Variants in SPATA16 observed in about 807,000 individuals in gnomAD.
The protein encoded by SPATA16 is spermatogenesis associated 16.
SPATA16 carries 36 observed loss-of-function variants against 63.3 expected under a neutral mutation model. That is an observed-to-expected ratio of 0.57 (90% CI 0.44 to 0.75). The LOEUF (loss-of-function observed/expected upper bound fraction) is 0.75, where lower values mean the gene tolerates loss of function less well. SPATA16 is among the 30% of genes least tolerant of loss of function. The pLI is 0.00. For missense variants in SPATA16, 646 were observed against 679.3 expected, an observed-to-expected ratio of 0.95 and a Z score of 0.54; for synonymous variants, 203 against 216.7, an observed-to-expected ratio of 0.94 and a Z score of 0.56.
chr3:173,102,005 G>A (rs777818472), intron 2 of SPATA16, among the ~76,000 whole-genome samples: 1 of 152,090 alleles, frequency 6.6e-6, no homozygotes, highest in Non-Finnish European at 1.5e-5. Context: ...TCAAGTCTGA[G>A]TCAATAAAAA....
chr3:172,920,400 T>C (rs1285452486), intron 8 of SPATA16, among the ~76,000 whole-genome samples: 2 of 152,364 alleles, frequency 1.3e-5, no homozygotes, highest in African/African-American at 2.4e-5. Context: ...AAAAAAGATA[T>C]GTTTGAGTAA....
chr3:173,061,115 T>C (rs1736369036), intron 2 of SPATA16, among the ~76,000 whole-genome samples: 1 of 152,230 alleles, frequency 6.6e-6, no homozygotes, highest in Admixed American at 6.5e-5. Flanking sequence ...TTCACTACTC[T>C]TTATTTCACC....
intron 6 of SPATA16, among the ~76,000 whole-genome samples, chr3:172,956,135 A>C (rs1733587818): frequency 6.6e-6 from 1 of 152,130 alleles, no homozygotes; most frequent in South Asian, 2.1e-4. Flanking sequence ...TTGCATGAGA[A>C]TGAGAACAAG....
chr3:173,001,674 C>T (rs534348487), intron 4 of SPATA16, among the ~76,000 whole-genome samples: 1 of 152,274 alleles, frequency 6.6e-6, no homozygotes, highest in East Asian at 1.9e-4. Context: ...GATGAGGTTT[C>T]CACTCAGGGT....
At position 173,022,435 on chromosome 3, in the gene SPATA16, A is replaced by C. The variant is rs1227698489; in HGVS notation, c.759-2860T>G. Among the ~76,000 whole-genome samples, 5 of 152,250 alleles carry C rather than the reference A, an allele frequency of 3.3e-5. No homozygotes were observed. In the East Asian group the frequency reaches 9.6e-4, roughly 29 times the overall value. On this transcript the variant is annotated intron_variant, in intron 3 of 10. Transcript: ENST00000351008. Reference sequence around the variant, plus strand: ...TTTGAGATGAAATATTTTATTTGGCAATTTATTATTTTTGACTTTTATAAT... The same window carrying C: ...TTTGAGATGAAATATTTTATTTGGCCATTTATTATTTTTGACTTTTATAAT...
intron 7 of SPATA16, among the ~76,000 whole-genome samples, chr3:172,925,007 C>G (rs973278797): frequency 2.8e-4 from 43 of 152,270 alleles, no homozygotes; most frequent in Admixed American, 9.2e-4. Context: ...TTGTCATTGG[C>G]TATATTTTTG....
chr3:173,049,171 A>C, intron 2 of SPATA16, 77 bp from the exon 3 acceptor site: 1 of 1,475,368 alleles, frequency 6.8e-7, no homozygotes, highest in South Asian at 1.2e-5. Context: ...AAACATGTGT[A>C]TGTTTTATTT....
chr3:172,986,750 T>C (rs1181602083), intron 4 of SPATA16, among the ~76,000 whole-genome samples: 2 of 152,108 alleles, frequency 1.3e-5, no homozygotes, highest in African/African-American at 2.4e-5. Context: ...TTGTACGGTT[T>C]TAAATAGAAA....
At chr3:172,942,869 A>G (rs779589573) in intron 6 of SPATA16, among the ~76,000 whole-genome samples, 51 of 152,156 alleles carry the variant, frequency 3.4e-4, no homozygotes, top group Non-Finnish European at 5.6e-4. Flanking sequence ...TTAAAAATCA[A>G]TAACAAAGGT....
intron 4 of SPATA16, among the ~76,000 whole-genome samples, chr3:173,016,631 G>A (rs1333596951): frequency 7.2e-5 from 11 of 152,214 alleles, no homozygotes; most frequent in Admixed American, 7.2e-4. Flanking sequence ...TAACCTTGAT[G>A]TGTTGTCTTT....
chr3:173,095,992 T>C (rs1737340754), intron 2 of SPATA16, among the ~76,000 whole-genome samples: 1 of 152,042 alleles, frequency 6.6e-6, no homozygotes. Flanking sequence ...AATTCCTAAA[T>C]TGCCAAAGGA....
intron 10 of SPATA16, among the ~76,000 whole-genome samples, chr3:172,907,861 A>G (rs1455157462): frequency 6.6e-6 from 1 of 152,114 alleles, no homozygotes; most frequent in African/African-American, 2.4e-5. Context: ...TACAGACGTG[A>G]GCCACCGTGC....
At chr3:173,037,693 G>A (rs1319323922) in intron 3 of SPATA16, among the ~76,000 whole-genome samples, 5 of 152,064 alleles carry the variant, frequency 3.3e-5, no homozygotes, top group Non-Finnish European at 7.4e-5. Context: ...TATAGACAGT[G>A]CCACCAAGGA....
intron 10 of SPATA16, among the ~76,000 whole-genome samples, chr3:172,902,504 T>A (rs770462394): frequency 6.6e-6 from 1 of 152,264 alleles, no homozygotes; most frequent in African/African-American, 2.4e-5. Flanking sequence ...GTTTGACCAG[T>A]TGCTTCTAAA....
At chr3:173,040,922 C>T (rs538643525) in intron 3 of SPATA16, among the ~76,000 whole-genome samples, 5 of 152,132 alleles carry the variant, frequency 3.3e-5, no homozygotes, top group Non-Finnish European at 5.9e-5. Context: ...CTTTGCACTG[C>T]AGAAAGGTGT....
At chr3:173,130,453 C>T (rs1025948259) in intron 1 of SPATA16, among the ~76,000 whole-genome samples, 1 of 150,504 alleles carries the variant, frequency 6.6e-6, no homozygotes, top group Non-Finnish European at 1.5e-5. Flanking sequence ...ATTTTATAAT[C>T]GTTTACAGTG....
At chr3:173,106,586 A>T (rs1402199566) in intron 2 of SPATA16, among the ~76,000 whole-genome samples, 1 of 152,128 alleles carries the variant, frequency 6.6e-6, no homozygotes, top group Non-Finnish European at 1.5e-5. Context: ...TTTCCTGCCC[A>T]AGAACTCACC....
intron 2 of SPATA16, among the ~76,000 whole-genome samples, chr3:173,081,525 A>G (rs759912961): frequency 1.3e-5 from 2 of 152,172 alleles, no homozygotes; most frequent in Non-Finnish European, 2.9e-5. Context: ...TTGAATCGTT[A>G]AAGAGGAGAG....
At chr3:173,114,566 A>C (rs1419962379) in intron 2 of SPATA16, among the ~76,000 whole-genome samples, 2 of 152,212 alleles carry the variant, frequency 1.3e-5, no homozygotes, top group Non-Finnish European at 2.9e-5. Flanking sequence ...TGACCATCAT[A>C]CCATATCAGC....
Sources: allele counts gnomAD v4.1 joint callset (sites outside exome capture counted in the v4.1 genomes callset), GRCh38; gene constraint gnomAD v4.1.1; transcripts MANE v1.5; gene names NCBI Gene and HGNC (gene_info 2026-07-23, HGNC 2026-07-21).